The following TAFA5 variants were observed in gnomAD, a reference collection of about 807,000 sequenced individuals.
TAFA5 encodes chemokine-like protein TAFA-5.
TAFA5 carries 6 observed loss-of-function variants against 15.3 expected under a neutral mutation model. The ratio of observed to expected loss-of-function variants is 0.39; its 90% confidence interval spans 0.21 to 0.77. TAFA5 has a LOEUF of 0.77. TAFA5 is among the 30% of genes least tolerant of loss of function. The pLI is 0.41. For synonymous variants in TAFA5, 103 were observed against 80.7 expected, an observed-to-expected ratio of 1.28 and a Z score of -1.48; for missense variants, 161 against 193.1, an observed-to-expected ratio of 0.83 and a Z score of 0.98.
At chr22:48,657,105 A>C (rs917663271) in intron 2 of TAFA5, among the ~76,000 whole-genome samples, 1 of 152,140 alleles carries the variant, frequency 6.6e-6, no homozygotes, top group Non-Finnish European at 1.5e-5. Context: ...TGAAATTGAC[A>C]AATCTCTAGC....
At chr22:48,542,638 A>ATGTGTGTGTGTGTGG (rs1555886629) in intron 1 of TAFA5, among the ~76,000 whole-genome samples, 6 of 84,958 alleles carry the variant, frequency 7.1e-5, no homozygotes, top group African/African-American at 1.0e-4. Flanking sequence ...TGGGTGTGTG[A>ATGTGTGTGTGTGTGG]TGTGTGTGTG....
At chr22:48,689,243 C>T (rs925079300) in intron 2 of TAFA5, among the ~76,000 whole-genome samples, 6 of 152,112 alleles carry the variant, frequency 3.9e-5, no homozygotes, top group African/African-American at 1.2e-4. Flanking sequence ...CCGTATGCAG[C>T]GGGGAGTGTG....
At chr22:48,625,114 T>G (rs1925981850) in intron 1 of TAFA5, among the ~76,000 whole-genome samples, 2 of 134,082 alleles carry the variant, frequency 1.5e-5, no homozygotes, top group South Asian at 5.4e-4. Flanking sequence ...GACCCTGTCT[T>G]GAAAAAAAAA....
chr22:48,749,831 C>T lies in TAFA5; in HGVS notation c.391-8C>T, dbSNP rs766543857. On this transcript the variant is annotated splice_region_variant and splice_polypyrimidine_tract_variant and intron_variant, in intron 3 of 3. Transcript: ENST00000402357. ...GAGGCTCACCCTCTCTCTCTCTTTG[C>T]TCCTCAGGTCTCCTGACAAACACAG... The T allele has an allele frequency of 5.1e-6, 8 of 1,560,724 alleles. No individual in the cohort carries two copies. The South Asian group carries it at 7.1e-5, about 14-fold the overall frequency.
chr22:48,665,667 T>G (rs543759692), intron 2 of TAFA5, among the ~76,000 whole-genome samples: 3 of 152,360 alleles, frequency 2.0e-5, no homozygotes, highest in African/African-American at 7.2e-5. Context: ...AATGGTTTTA[T>G]GTAAAGTTCT....
In TAFA5 at chr22:48,582,544, TACCACACACAAAATAC is replaced by T. The variant is rs1358950853; in HGVS notation, c.113-64036_113-64021del. 1.6e-4 allele frequency among the ~76,000 whole-genome samples: 10 copies of T among 62,188 alleles called. No individual in the cohort carries two copies. In the East Asian group the frequency reaches 4.8e-3, roughly 30 times the overall value. 40.8% of individuals were successfully genotyped at this position (62,188 alleles called of 152,430 possible). A position where few individuals can be genotyped will look rare whatever the true frequency, so the allele number is the denominator to read the frequency against. On this transcript the variant is annotated intron_variant, in intron 1 of 3. Coordinates refer to ENST00000402357, the MANE Select transcript of TAFA5 (RefSeq NM_001082967.3). ...TACACCACACACAAAATACACCACA[TACCACACACAAAATAC>T]ACCACACACAAAATACGCCACATAC...
chr22:48,497,299 C>G (rs1309962345), intron 1 of TAFA5, among the ~76,000 whole-genome samples: 1 of 152,188 alleles, frequency 6.6e-6, no homozygotes, highest in African/African-American at 2.4e-5. Flanking sequence ...CCACGGGGCC[C>G]GGCAGGGTTC....
At chr22:48,680,752 G>A (rs132220) in intron 2 of TAFA5, among the ~76,000 whole-genome samples, 99,829 of 152,126 alleles carry the variant, frequency 0.66, 33,813 homozygotes, top group Non-Finnish European at 0.74. Context: ...GGATCCAGAT[G>A]TCCTGGCTCT....
intron 1 of TAFA5, among the ~76,000 whole-genome samples, chr22:48,629,188 G>A (rs1478920707): frequency 1.3e-5 from 2 of 152,156 alleles, no homozygotes; most frequent in Admixed American, 1.3e-4. Context: ...GGCCTGCTGG[G>A]GTTCTCTGCT....
intron 2 of TAFA5, among the ~76,000 whole-genome samples, chr22:48,652,032 G>A (rs992045626): frequency 1.3e-5 from 2 of 152,200 alleles, no homozygotes; most frequent in Admixed American, 1.3e-4. Flanking sequence ...TGCTCATGAT[G>A]CCCTAGCAAT....
chr22:48,620,597 C>CTCTACCAAT (rs1351062008), intron 1 of TAFA5, among the ~76,000 whole-genome samples: 1 of 142,704 alleles, frequency 7.0e-6, no homozygotes, highest in Non-Finnish European at 1.5e-5. Context: ...CCACCCACCC[C>CTCTACCAAT]CCTACCCATC....
At chr22:48,583,422 CA>C (rs1924174319) in intron 1 of TAFA5, among the ~76,000 whole-genome samples, 1 of 147,784 alleles carries the variant, frequency 6.8e-6, no homozygotes, top group Non-Finnish European at 1.5e-5. Context: ...ACGCCACACA[CA>C]CACCACACAC....
intron 2 of TAFA5, among the ~76,000 whole-genome samples, chr22:48,672,589 G>A (rs1173665500): frequency 6.6e-6 from 1 of 152,178 alleles, no homozygotes; most frequent in African/African-American, 2.4e-5. Flanking sequence ...TTGGAGCTTT[G>A]AAGACATCAC....
intron 1 of TAFA5, among the ~76,000 whole-genome samples, chr22:48,535,931 A>ACACTG (rs562225224): frequency 1.6e-4 from 25 of 152,340 alleles, no homozygotes; most frequent in African/African-American, 6.0e-4. Flanking sequence ...AGGTGTGAGC[A>ACACTG]CACTGCACAC....
chr22:48,593,682 G>C (rs1448026554), intron 1 of TAFA5, among the ~76,000 whole-genome samples: 1 of 152,204 alleles, frequency 6.6e-6, no homozygotes, highest in Admixed American at 6.5e-5. Context: ...CTCGGGTGCA[G>C]TGAACTCTGG....
Position 48,552,830 on chromosome 22 carries a change from T to C in TAFA5, c.112+63126T>C, listed in dbSNP as rs2147127400. Among the ~76,000 whole-genome samples, 1 of 152,154 alleles carries C rather than the reference T, an allele frequency of 6.6e-6. No homozygotes were observed. The highest frequency in any genetic ancestry group is 1.5e-5 in the Non-Finnish European group (1 of 67,966). ...TGCACCTATATGGGGCTTCCAGGGC[T>C]CACCCCGAGGGAGGAGGCCCAGAGC... On this transcript the variant is annotated intron_variant, in intron 1 of 3. Coordinates refer to ENST00000402357, the MANE Select transcript of TAFA5 (RefSeq NM_001082967.3). The surrounding 1 kb of genome is among the most constrained non-coding windows in gnomAD (Gnocchi z 4.1).
chr22:48,577,830 C>T (rs902653857), intron 1 of TAFA5, among the ~76,000 whole-genome samples: 8 of 152,180 alleles, frequency 5.3e-5, no homozygotes, highest in African/African-American at 1.9e-4. Context: ...CCTGCCAGCC[C>T]GGGCTTGCGG....
intron 1 of TAFA5, among the ~76,000 whole-genome samples, chr22:48,632,970 G>A (rs1342785905): frequency 1.3e-5 from 2 of 152,180 alleles, no homozygotes; most frequent in African/African-American, 4.8e-5. Flanking sequence ...ACTTCCTGGG[G>A]CTGAGAATGG....
chr22:48,717,423 CA>C (rs1299285409), intron 3 of TAFA5, among the ~76,000 whole-genome samples: 24 of 152,200 alleles, frequency 1.6e-4, no homozygotes, highest in Non-Finnish European at 1.5e-5. Context: ...GGGAAGGGGT[CA>C]GGGGACAAGA....
Sources: gnomAD v4.1 joint callset for allele counts (sites outside exome capture counted in the v4.1 genomes callset) on GRCh38, gnomAD v4.1.1 for gene constraint, Gnocchi (gnomAD v3.1) non-coding constraint, MANE v1.5 for transcripts, NCBI Gene and HGNC (gene_info 2026-07-23, HGNC 2026-07-21) for gene names.